The following KCNK1 variants were observed in gnomAD, a reference collection of about 807,000 sequenced individuals.
KCNK1 encodes the protein potassium two pore domain channel subfamily K member 1.
In KCNK1, 10 loss-of-function variants were observed where a neutral mutation model predicts 22.2. That is an observed-to-expected ratio of 0.45 (90% CI 0.28 to 0.76). The LOEUF (loss-of-function observed/expected upper bound fraction) is 0.76. Among genes scored for constraint, KCNK1 ranks in the 30% least tolerant of loss-of-function variants. The pLI is 0.14. For synonymous variants in KCNK1, 200 were observed against 186.4 expected (o/e 1.07, Z -0.60); for missense variants, 378 against 421.0 (o/e 0.90, Z 0.89).
chr1:233,665,277 A>T (rs1169893555), intron 1 of KCNK1, among the ~76,000 whole-genome samples: 1 of 152,236 alleles, frequency 6.6e-6, no homozygotes, highest in Non-Finnish European at 1.5e-5. Context: ...TGAGCGGTAC[A>T]GAGTAAGAGA....
intron 1 of KCNK1, among the ~76,000 whole-genome samples, chr1:233,655,125 C>T (rs1658267229): frequency 6.6e-6 from 1 of 152,234 alleles, no homozygotes; most frequent in Non-Finnish European, 1.5e-5. Flanking sequence ...CCTAGTGGGC[C>T]TGGGGGACAG....
At chr1:233,626,953 C>T (rs1262588279) in intron 1 of KCNK1, among the ~76,000 whole-genome samples, 1 of 151,758 alleles carries the variant, frequency 6.6e-6, no homozygotes, top group African/African-American at 2.4e-5. Context: ...TTAAATAAAG[C>T]CACCAAGGAA....
intron 1 of KCNK1, among the ~76,000 whole-genome samples, chr1:233,631,793 C>T (rs971463781): frequency 6.6e-6 from 1 of 152,206 alleles, no homozygotes; most frequent in Non-Finnish European, 1.5e-5. Flanking sequence ...GGTCTGATTA[C>T]ATGCTGATAG....
chr1:233,663,993 G>A (rs1325913823), intron 1 of KCNK1, among the ~76,000 whole-genome samples: 1 of 151,890 alleles, frequency 6.6e-6, no homozygotes, highest in Non-Finnish European at 1.5e-5. Flanking sequence ...TACCATGCCC[G>A]GCTAATTTTT....
chr1:233,633,331 T>C (rs552289749), intron 1 of KCNK1, among the ~76,000 whole-genome samples: 1 of 152,034 alleles, frequency 6.6e-6, no homozygotes, highest in South Asian at 2.1e-4. Context: ...GGAGTATGTA[T>C]TATAGGATTC....
chr1:233,616,132 A>G (rs1248112166), intron 1 of KCNK1, among the ~76,000 whole-genome samples: 2 of 152,158 alleles, frequency 1.3e-5, no homozygotes, highest in African/African-American at 2.4e-5. Context: ...TATTTGTGCT[A>G]TATTGAGAGT....
At chr1:233,631,383 T>TAGAA (rs1657789950) in intron 1 of KCNK1, 1 of 465,042 alleles carries the variant, frequency 2.2e-6, no homozygotes, top group Non-Finnish European at 4.5e-6. Flanking sequence ...CCTGCTTCTT[T>TAGAA]GTGTTTCTCT....
At chr1:233,650,004 C>G (rs1452213564) in intron 1 of KCNK1, 2 of 533,338 alleles carry the variant, frequency 3.7e-6, no homozygotes, top group Non-Finnish European at 3.8e-6. Flanking sequence ...GAGAGCCTTT[C>G]AAGTGCCTAA....
At chr1:233,631,866 A>T (rs1657804073) in intron 1 of KCNK1, among the ~76,000 whole-genome samples, 1 of 151,864 alleles carries the variant, frequency 6.6e-6, no homozygotes, top group African/African-American at 2.4e-5. Flanking sequence ...TAGAGGGAGG[A>T]GTTTCATCCG....
chr1:233,656,099 T>C (rs939853373), intron 1 of KCNK1, among the ~76,000 whole-genome samples: 1 of 152,160 alleles, frequency 6.6e-6, no homozygotes, highest in African/African-American at 2.4e-5. Flanking sequence ...CACCTCTGCA[T>C]TCAAATGGGT....
rs577889071 is a variant in KCNK1 at position 233,657,204 on chromosome 1, C to T, written c.356-9391C>T. On this transcript the variant is annotated intron_variant, in intron 1 of 2. Coordinates refer to ENST00000366621, the MANE Select transcript of KCNK1 (RefSeq NM_002245.4). ...AGAGGGGGACAAATCCACCTTTTCA[C>T]GAGAGCTGCTTTCTCATCGCTTTTT... Among the ~76,000 whole-genome samples the T allele has an allele frequency of 9.9e-5, 15 of 152,208 alleles. No homozygotes were observed. In the East Asian group the frequency reaches 2.7e-3, roughly 27 times the overall value.
At chr1:233,642,587 G>A (rs1039219465) in intron 1 of KCNK1, among the ~76,000 whole-genome samples, 3 of 152,174 alleles carry the variant, frequency 2.0e-5, no homozygotes, top group African/African-American at 7.2e-5. Context: ...TGGACAGGTG[G>A]GCAGGGCTTG....
intron 1 of KCNK1, among the ~76,000 whole-genome samples, chr1:233,642,357 G>A (rs3892180): frequency 6.6e-6 from 1 of 152,142 alleles, no homozygotes; most frequent in Non-Finnish European, 1.5e-5. Context: ...CAACCTTCCC[G>A]GGAGGTGAGA....
chr1:233,645,891 T>C (rs1254093428), intron 1 of KCNK1, among the ~76,000 whole-genome samples: 3 of 152,140 alleles, frequency 2.0e-5, no homozygotes, highest in Non-Finnish European at 4.4e-5. Context: ...GATGTGCTGA[T>C]AGATTAGATG....
chr1:233,630,099 C>CA (rs1657765051), intron 1 of KCNK1, among the ~76,000 whole-genome samples: 1 of 152,130 alleles, frequency 6.6e-6, no homozygotes, highest in African/African-American at 2.4e-5. Context: ...CTGGTTCCAC[C>CA]ATCTGAATTC....
intron 1 of KCNK1, among the ~76,000 whole-genome samples, chr1:233,654,106 G>A (rs521777): frequency 2.6e-5 from 4 of 151,820 alleles, no homozygotes; most frequent in African/African-American, 7.3e-5. Flanking sequence ...TGAACAGAAC[G>A]TTGGCAGAAA....
intron 1 of KCNK1, among the ~76,000 whole-genome samples, chr1:233,652,827 A>G (rs1255995582): frequency 6.6e-6 from 1 of 152,212 alleles, no homozygotes. Context: ...ATGCTGGTGG[A>G]CATGCCTTTG....
intron 1 of KCNK1, among the ~76,000 whole-genome samples, chr1:233,649,332 G>A (rs1658158255): frequency 6.6e-6 from 1 of 152,188 alleles, no homozygotes; most frequent in African/African-American, 2.4e-5. Flanking sequence ...AGCATGAGGA[G>A]TGCTGGAAGT....
At chr1:233,641,520 A>G (rs550755662) in intron 1 of KCNK1, among the ~76,000 whole-genome samples, 2 of 152,294 alleles carry the variant, frequency 1.3e-5, no homozygotes, top group South Asian at 4.1e-4. Flanking sequence ...TATAGGAGGG[A>G]CACGTAAATG....
Sources: gnomAD v4.1 joint callset for allele counts (sites outside exome capture counted in the v4.1 genomes callset) on GRCh38, gnomAD v4.1.1 for gene constraint, MANE v1.5 for transcripts, NCBI Gene and HGNC (gene_info 2026-07-23, HGNC 2026-07-21) for gene names.